SPRY2: variants seen among roughly 807,000 people sequenced by gnomAD.
SPRY2 encodes the protein protein sprouty homolog 2.
A neutral mutation model predicts 23.4 loss-of-function variants in SPRY2; 10 were observed. The ratio of observed to expected loss-of-function variants is 0.43; its 90% CI spans 0.26 to 0.73. The LOEUF (loss-of-function observed/expected upper bound fraction) is 0.73, where lower values mean the gene tolerates loss of function less well. Ranked by LOEUF, SPRY2 falls within the 30% of genes least tolerant of loss-of-function variation. SPRY2 has a pLI of 0.22. For synonymous variants in SPRY2, 170 were observed against 156.9 expected, an observed-to-expected ratio of 1.08 and a Z score of -0.62; for missense variants, 344 against 396.9, an observed-to-expected ratio of 0.87 and a Z score of 1.13.
chr13:80,339,303 G>T (rs485183), intron 1 of SPRY2: 1 of 152,124 alleles, frequency 6.6e-6, no homozygotes, highest in South Asian at 2.1e-4. Flanking sequence ...ACGCACACAC[G>T]GCGACTCCAC....
Position 80,336,934 on chromosome 13 carries a change from C to A in SPRY2, c.772G>T (p.Val258Phe). The A allele has an allele frequency of 6.2e-7, 1 of 1,614,214 alleles. No homozygotes were observed. Among genetic ancestry groups the A allele is most frequent in the Non-Finnish European group, 8.5e-7 (1 of 1,180,052 alleles). The change falls in exon 2 of 2, where the codon GTC becomes TTC. Residue 258 changes from valine (V) to phenylalanine (F), a missense_variant. Physicochemically the swap from Val to Phe is conservative, Grantham distance 50 (BLOSUM62 -1). Transcript: ENST00000377104. Reference sequence around the variant, plus strand: ...AAACAAGGCAAAAAGAGGGACATGACACCCATGGCTGACCATCGTGTACAA... The same window carrying A: ...AAACAAGGCAAAAAGAGGGACATGAAACCCATGGCTGACCATCGTGTACAA... ...HCCTRWSAMG[V>F]MSLFLPCLWC...
chr13:80,340,132 G>T (rs1402500132), intron 1 of SPRY2, among the ~76,000 whole-genome samples: 1 of 152,226 alleles, frequency 6.6e-6, no homozygotes, highest in Non-Finnish European at 1.5e-5. Context: ...CCCCGAGGCG[G>T]GCAACCTGTG....
chr13:80,340,654 T>C lies in SPRY2; in HGVS notation c.-84A>G, dbSNP rs1175372173. The C allele has an allele frequency of 2.6e-5, 4 of 152,410 alleles. No homozygotes were observed. The East Asian group carries it at 7.7e-4, about 30-fold the overall frequency. 9.4% of individuals were successfully genotyped at this position (152,410 alleles called of 1,614,324 possible). A position where few individuals can be genotyped will look rare whatever the true frequency, so the allele number is the denominator to read the frequency against. On this transcript the variant is annotated 5_prime_UTR_variant, in exon 1 of 2. Transcript: ENST00000377104. ...GCGGCTTTGCACCAACCCCTCTCCC[T>C]TGGATTCTCTTCTTTCTGCGATGTG...
chr13:80,337,154 G>A lies in SPRY2; in HGVS notation c.552C>T (p.Cys184=). 6 of 1,614,140 alleles carry A rather than the reference G, an allele frequency of 3.7e-6. No individual in the cohort carries two copies. The highest frequency in any genetic ancestry group is 5.1e-6 in the Non-Finnish European group (6 of 1,179,984). The change falls in exon 2 of 2, where the codon TGC becomes TGT. Residue 184 remains cysteine (C), a synonymous_variant. Transcript: ENST00000377104. ...HAYRCEDCGK[C]KCKECTYPRP... The stretch of plus-strand genomic sequence containing the variant: ...TTGGGTAGGTGCACTCCTTACATTT[G>A]CACTTGCCACAGTCCTCACACCTGT...
Position 80,336,773 on chromosome 13 carries a change from AAAGTTCCTAGGGGGGACAGTGGG to A in SPRY2, c.910_932del (p.Pro304Ter). ...ATTAATGATGCTATGTTGGTTTTTCAAAGTTCCTAGGGGGGACAGTGGGAACTTTGCAGCAAACTGTGTTTGAG... is the reference window on the plus strand; with the variant it reads ...ATTAATGATGCTATGTTGGTTTTTCAAACTTTGCAGCAAACTGTGTTTGAG... On this transcript the variant is annotated frameshift_variant, in exon 2 of 2. Transcript: ENST00000377104. LOFTEE classifies it high-confidence loss of function. 1 of 1,614,022 alleles carries A rather than the reference AAAGTTCCTAGGGGGGACAGTGGG, an allele frequency of 6.2e-7. No homozygotes were observed. Among genetic ancestry groups the A allele is most frequent in the Non-Finnish European group, 8.5e-7 (1 of 1,179,968 alleles).
At position 80,336,723 on chromosome 13, in the gene SPRY2, A is replaced by G. The variant is rs1350126819; in HGVS notation, c.*35T>C. The G allele has an allele frequency of 6.3e-7, 1 of 1,588,160 alleles. No individual in the cohort carries two copies. The highest frequency in any genetic ancestry group is 1.3e-5 in the African/African-American group (1 of 74,260). Reference sequence around the variant, plus strand: ...ATGTGTATTAAAAAAAGAAAGAAAAAATCCTCATTACTGTAATATTCCTGA... The same window carrying G: ...ATGTGTATTAAAAAAAGAAAGAAAAGATCCTCATTACTGTAATATTCCTGA... On this transcript the variant is annotated 3_prime_UTR_variant, in exon 2 of 2. Transcript: ENST00000377104.
Position 80,336,906 on chromosome 13 carries a change from C to T in SPRY2, c.800G>A (p.Trp267Ter). 1 of 1,614,090 alleles carries T rather than the reference C, an allele frequency of 6.2e-7. No individual in the cohort carries two copies. Among genetic ancestry groups the T allele is most frequent in the Non-Finnish European group, 8.5e-7 (1 of 1,180,042 alleles). ...GVMSLFLPCL[W>*]CYLPAKGCLK... ...GCAACCCTTGGCTGGAAGGTAACAC[C>T]ATAAACAAGGCAAAAAGAGGGACAT... is the stretch of plus-strand genomic sequence containing the variant. The change falls in exon 2 of 2, where the codon TGG becomes TAG. Residue 267 changes from tryptophan to a stop codon, truncating the protein, a stop_gained. Coordinates refer to ENST00000377104, the MANE Select transcript of SPRY2 (RefSeq NM_005842.4). LOFTEE classifies it high-confidence loss of function.
rs758579520 is a variant in SPRY2, at chr13:80,337,085, G to A, written c.621C>T (p.Cys207=). The A allele has an allele frequency of 8.7e-6, 14 of 1,614,124 alleles. No homozygotes were observed. The Admixed American group carries it at 2.2e-4, about 25-fold the overall frequency. ...SDWICDKQCL[C]SAQNVIDYGT... ...CATAGTCAATCACGTTCTGGGCCGA[G>A]CAAAGGCACTGCTTGTCGCAGATCC... is the stretch of plus-strand genomic sequence containing the variant. Residue 207 remains cysteine (C), a synonymous_variant, in exon 2 of 2, where the codon TGC becomes TGT. Coordinates refer to ENST00000377104, the MANE Select transcript of SPRY2 (RefSeq NM_005842.4).
In SPRY2 at chr13:80,336,127, C is replaced by T. The variant is rs144430832; in HGVS notation, c.*631G>A. The T allele has an allele frequency of 6.6e-6, 1 of 152,128 alleles. No individual in the cohort carries two copies. The highest frequency in any genetic ancestry group is 2.4e-5 in the African/African-American group (1 of 41,502). 9.4% of individuals were successfully genotyped at this position (152,128 alleles called of 1,614,324 possible). A position where few individuals can be genotyped will look rare whatever the true frequency, so the allele number is the denominator to read the frequency against. On this transcript the variant is annotated 3_prime_UTR_variant, in exon 2 of 2. Transcript: ENST00000377104. ...TATTCTTTTTTATAAAATAATAAAACTTCAAATAAATATTCTTTACACTAA... is the reference window on the plus strand; with the variant it reads ...TATTCTTTTTTATAAAATAATAAAATTTCAAATAAATATTCTTTACACTAA...
rs762829116 is a variant in SPRY2, at chr13:80,337,615, T to C, written c.91A>G (p.Arg31Gly). Residue 31 changes from arginine to glycine, a missense_variant, in exon 2 of 2, where the codon AGA (arginine) becomes GGA (glycine). Physicochemically the swap from Arg to Gly is moderately radical, Grantham distance 125. Coordinates refer to ENST00000377104, the MANE Select transcript of SPRY2 (RefSeq NM_005842.4). ...TGTACCTGCTGGGTGAGGGCGTCTC[T>C]GGGGTCGGGCTCCCCACGCTGTCTG... ...GGRQRGEPDP[R>G]DALTQQVHVL... 10 of 1,614,140 alleles carry C rather than the reference T, an allele frequency of 6.2e-6. No homozygotes were observed. In the South Asian group the frequency reaches 9.9e-5, roughly 16 times the overall value.
intron 1 of SPRY2, 38 bp from the exon 2 acceptor site, chr13:80,337,794 A>G (rs1880342489): frequency 1.7e-6 from 2 of 1,203,870 alleles, no homozygotes; most frequent in Non-Finnish European, 2.4e-6. Context: ...TGATACTCTA[A>G]GATACTTCCC....
intron 1 of SPRY2, 137 bp from the exon 2 acceptor site, chr13:80,337,893 C>A: frequency 1.5e-6 from 1 of 675,862 alleles, no homozygotes; most frequent in South Asian, 1.6e-5. Flanking sequence ...GAGGTATTAG[C>A]CATATGATCA....
chr13:80,336,397 C>A lies in SPRY2; in HGVS notation c.*361G>T. ...ACAGTTGCAAATATTATTGTATATA[C>A]AAAAATATAGCACATTCTCTCTGGA... On this transcript the variant is annotated 3_prime_UTR_variant, in exon 2 of 2. Coordinates refer to ENST00000377104, the MANE Select transcript of SPRY2 (RefSeq NM_005842.4). 3.1e-6 allele frequency: 1 copy of A among 324,876 alleles called. No individual in the cohort carries two copies. The highest frequency in any genetic ancestry group is 5.8e-6 in the Non-Finnish European group (1 of 171,298). The allele number at this position is 324,876 out of a possible 1,614,324, so 20.1% of individuals were successfully genotyped here.
At position 80,337,377 on chromosome 13, in the gene SPRY2, G is replaced by A; in HGVS notation, c.329C>T (p.Ser110Phe). The stretch of plus-strand genomic sequence containing the variant: ...CGACCCTGAGCTGACCGTGCTTATG[G>A]ATCTGGACAGAGGGGCTCGTGCAGA... ...HSSARAPLSR[S>F]ISTVSSGSRS... is the part of the protein sequence containing the mutation. The change falls in exon 2 of 2, where the codon TCC becomes TTC. Residue 110 changes from serine (S) to phenylalanine (F), a missense_variant. By Grantham distance (155) the Ser-to-Phe change is radical. Transcript: ENST00000377104. 6.2e-7 allele frequency: 1 copy of A among 1,614,174 alleles called. No individual in the cohort carries two copies. Among genetic ancestry groups the A allele is most frequent in the Non-Finnish European group, 8.5e-7 (1 of 1,180,038 alleles).
intron 1 of SPRY2, 40 bp from the exon 2 acceptor site, chr13:80,337,796 A>G (rs924538880): frequency 4.2e-6 from 5 of 1,187,426 alleles, no homozygotes; most frequent in Non-Finnish European, 6.1e-6. Context: ...ATACTCTAAG[A>G]TACTTCCCAC....
In SPRY2 at chr13:80,337,424, G is replaced by T. The variant is rs1566315713; in HGVS notation, c.282C>A (p.Leu94=). The T allele has an allele frequency of 6.2e-7, 1 of 1,614,152 alleles. No individual in the cohort carries two copies. The highest frequency in any genetic ancestry group is 2.2e-5 in the East Asian group (1 of 44,868). ...CAGAAGAATGGACCTGCGAGTGCTGGAGCCTAGGAGGCTGGCGGTGCTCAG... is the reference window on the plus strand; with the variant it reads ...CAGAAGAATGGACCTGCGAGTGCTGTAGCCTAGGAGGCTGGCGGTGCTCAG... The part of the protein sequence containing the change: ...GLPEHRQPPR[L]QHSQVHSSAR... Residue 94 remains leucine (L), a synonymous_variant, in exon 2 of 2, where the codon CTC becomes CTA. Coordinates refer to ENST00000377104, the MANE Select transcript of SPRY2 (RefSeq NM_005842.4).
chr13:80,340,428 G>A (rs946423437), intron 1 of SPRY2, among the ~76,000 whole-genome samples, 194 bp downstream of exon 1: 1 of 152,226 alleles, frequency 6.6e-6, no homozygotes, highest in Non-Finnish European at 1.5e-5. Context: ...CCCCGCAGAG[G>A]CAGGCCGAGC....
chr13:80,336,966 G>A lies in SPRY2; in HGVS notation c.740C>T (p.Ser247Phe). Residue 247 changes from serine to phenylalanine, a missense_variant, in exon 2 of 2, where the codon TCT becomes TTT. Coordinates refer to ENST00000377104, the MANE Select transcript of SPRY2 (RefSeq NM_005842.4). ...GGCTGACCATCGTGTACAACAGTGA[G>A]ACTGGCTGCAAGAACATGGGTTGTC... ...CADNPCSCSQ[S>F]HCCTRWSAMG... 6.2e-7 allele frequency: 1 copy of A among 1,614,240 alleles called. No individual in the cohort carries two copies. The highest frequency in any genetic ancestry group is 8.5e-7 in the Non-Finnish European group (1 of 1,180,046).
chr13:80,340,520 G>C (rs1006871729), intron 1 of SPRY2, 102 bp downstream of exon 1: 2 of 152,236 alleles, frequency 1.3e-5, no homozygotes, highest in Non-Finnish European at 2.9e-5. Flanking sequence ...AGGGAGGCTC[G>C]GGGAGAGACG....
Sources: allele counts gnomAD v4.1 joint callset (sites outside exome capture counted in the v4.1 genomes callset), GRCh38; gene constraint gnomAD v4.1.1; transcripts MANE v1.5; gene names NCBI Gene and HGNC (gene_info 2026-07-23, HGNC 2026-07-21).